Variants in RTN1 observed in about 807,000 individuals in gnomAD.
RTN1 encodes reticulon 1.
Under a neutral mutation model 65.5 loss-of-function variants are expected in RTN1, and 25 were observed. The observed-to-expected ratio is 0.38, with a 90% CI of 0.28 to 0.53. The LOEUF (loss-of-function observed/expected upper bound fraction) is 0.53. RTN1 is among the 20% of genes least tolerant of loss of function. The pLI, the probability that RTN1 is intolerant of heterozygous loss-of-function variation, is 0.79. For missense variants in RTN1, 983 were observed against 1,025.4 expected (o/e 0.96, Z 0.57); for synonymous variants, 471 against 447.6 (o/e 1.05, Z -0.66).
chr14:59,779,852 C>T (rs976900340), intron 1 of RTN1, among the ~76,000 whole-genome samples: 1 of 152,110 alleles, frequency 6.6e-6, no homozygotes, highest in African/African-American at 2.4e-5. Flanking sequence ...TTCCTCCCCC[C>T]ACTTCCACCC....
In RTN1 at chr14:59,819,073, C is replaced by T. The variant is rs77712376; in HGVS notation, c.241+51317G>A. On this transcript the variant is annotated intron_variant, in intron 1 of 8. Coordinates refer to ENST00000267484, the MANE Select transcript of RTN1 (RefSeq NM_021136.3). ...TACAGTTCATAAAGGTGGCGCATCC[C>T]GAGTCGTTGGTTCTTCCCGTCCAGA... Among the ~76,000 whole-genome samples, 506 of 152,134 alleles carry T rather than the reference C, an allele frequency of 3.3e-3. 19 individuals carry two copies. In the East Asian group the frequency reaches 0.057, roughly 17 times the overall value.
chr14:59,644,573 T>C (rs1315257012), intron 3 of RTN1, among the ~76,000 whole-genome samples: 2 of 152,142 alleles, frequency 1.3e-5, no homozygotes, highest in Non-Finnish European at 2.9e-5. Context: ...AGTGGGAGGT[T>C]AGACCCCCAT....
intron 1 of RTN1, among the ~76,000 whole-genome samples, chr14:59,754,704 T>G (rs1885600422): frequency 6.6e-6 from 1 of 152,214 alleles, no homozygotes; most frequent in African/African-American, 2.4e-5. Flanking sequence ...TCTTTATTTT[T>G]CAGGGAGAAC....
rs1021137570 is a variant in RTN1 at position 59,609,387 on chromosome 14, T to A, written c.1766-1895A>T. 3.3e-5 allele frequency among the ~76,000 whole-genome samples: 5 copies of A among 152,142 alleles called. No homozygotes were observed. In the South Asian group the frequency reaches 8.3e-4, roughly 25 times the overall value. On this transcript the variant is annotated intron_variant, in intron 3 of 8. Transcript: ENST00000267484. ...GAATAATGTGTTAAAGATTTGCTTG[T>A]CCTTAACAACAAAACATGAATGAGT... is the stretch of plus-strand genomic sequence containing the variant.
chr14:59,662,086 T>TG (rs1883260725), intron 3 of RTN1, among the ~76,000 whole-genome samples: 1 of 152,174 alleles, frequency 6.6e-6, no homozygotes, highest in Admixed American at 6.5e-5. Flanking sequence ...AAAATCAATG[T>TG]GCAAAAATCA....
chr14:59,765,879 G>A (rs1885839653), intron 1 of RTN1, among the ~76,000 whole-genome samples: 1 of 152,024 alleles, frequency 6.6e-6, no homozygotes, highest in African/African-American at 2.4e-5. Flanking sequence ...TACTAGTTAA[G>A]GACTGAATGA....
chr14:59,640,171 C>G (rs1440135490), intron 3 of RTN1, among the ~76,000 whole-genome samples: 1 of 152,066 alleles, frequency 6.6e-6, no homozygotes, highest in East Asian at 1.9e-4. Flanking sequence ...CCCATCTGGG[C>G]TGGGACTTTT....
chr14:59,732,046 T>C (rs898512652), intron 2 of RTN1, among the ~76,000 whole-genome samples: 3 of 151,990 alleles, frequency 2.0e-5, no homozygotes, highest in African/African-American at 7.3e-5. Context: ...TTAGAGGAGG[T>C]CATTGAGGAA....
intron 2 of RTN1, among the ~76,000 whole-genome samples, chr14:59,739,540 C>CA (rs34758637): frequency 0.023 from 2,548 of 112,940 alleles, 41 homozygotes; most frequent in East Asian, 0.094. Flanking sequence ...GACTCTGTCT[C>CA]AAAAAAAAAA....
At chr14:59,687,744 T>C (rs1883877327) in intron 3 of RTN1, among the ~76,000 whole-genome samples, 1 of 151,774 alleles carries the variant, frequency 6.6e-6, no homozygotes. Flanking sequence ...CATTGTACCA[T>C]TCCTATACAG....
intron 1 of RTN1, among the ~76,000 whole-genome samples, chr14:59,832,142 C>CA (rs1352724138): frequency 1.3e-5 from 2 of 151,880 alleles, no homozygotes; most frequent in Admixed American, 1.3e-4. Context: ...GGATATGGAC[C>CA]AAAAAAATGA....
At chr14:59,623,075 AG>A (rs1309497363) in intron 3 of RTN1, among the ~76,000 whole-genome samples, 2 of 152,242 alleles carry the variant, frequency 1.3e-5, no homozygotes, top group Admixed American at 1.3e-4. Flanking sequence ...GGTGGAACAA[AG>A]GAAAATGAAG....
intron 3 of RTN1, among the ~76,000 whole-genome samples, chr14:59,649,525 T>C (rs1293245936): frequency 6.6e-6 from 1 of 152,090 alleles, no homozygotes; most frequent in African/African-American, 2.4e-5. Flanking sequence ...AAAGGTCTAA[T>C]ATCCAGAAGC....
chr14:59,839,618 T>C (rs1887274622), intron 1 of RTN1, among the ~76,000 whole-genome samples: 1 of 152,276 alleles, frequency 6.6e-6, no homozygotes, highest in East Asian at 1.9e-4. Context: ...TATTCTGGTT[T>C]TGCAAAGTAT....
chr14:59,680,758 TG>T (rs1385343771), intron 3 of RTN1, among the ~76,000 whole-genome samples: 1 of 151,854 alleles, frequency 6.6e-6, no homozygotes, highest in African/African-American at 2.4e-5. Context: ...CTCAATGGAG[TG>T]GTATTTAAAG....
chr14:59,687,485 A>G (rs1270158786), intron 3 of RTN1, among the ~76,000 whole-genome samples: 1 of 150,542 alleles, frequency 6.6e-6, no homozygotes, highest in African/African-American at 2.4e-5. Context: ...CTGCTCCCAA[A>G]GACTAGTAGC....
At chr14:59,607,585 G>A (rs759710009) in intron 3 of RTN1, 93 bp from the exon 4 acceptor site, 48 of 1,055,300 alleles carry the variant, frequency 4.5e-5, no homozygotes, top group East Asian at 3.1e-4. Context: ...GTTGCTGTGG[G>A]TTCTCACCTG....
At chr14:59,837,401 T>G (rs1957306) in intron 1 of RTN1, among the ~76,000 whole-genome samples, 1 of 151,712 alleles carries the variant, frequency 6.6e-6, no homozygotes, top group African/African-American at 2.4e-5. Context: ...GGTTTTTAAA[T>G]GTAAAACAAA....
At chr14:59,622,940 C>T (rs895437248) in intron 3 of RTN1, among the ~76,000 whole-genome samples, 1 of 152,122 alleles carries the variant, frequency 6.6e-6, no homozygotes, top group Non-Finnish European at 1.5e-5. Context: ...AGAAAAATGC[C>T]AACACTATTT....
Sources: gnomAD v4.1 joint callset for allele counts (sites outside exome capture counted in the v4.1 genomes callset) on GRCh38, gnomAD v4.1.1 for gene constraint, MANE v1.5 for transcripts, NCBI Gene and HGNC (gene_info 2026-07-23, HGNC 2026-07-21) for gene names.